Variants in SV2C observed in about 807,000 individuals in gnomAD.
The protein encoded by SV2C is synaptic vesicle glycoprotein 2C.
SV2C carries 49 observed loss-of-function variants against 79.7 expected under a neutral mutation model. The observed-to-expected ratio is 0.61, with a 90% CI of 0.49 to 0.78. The LOEUF (loss-of-function observed/expected upper bound fraction) is 0.78, where lower values mean the gene tolerates loss of function less well. Among genes scored for constraint, SV2C ranks in the 30% least tolerant of loss-of-function variants. The pLI is 0.00. For missense variants in SV2C, 833 were observed against 912.9 expected (o/e 0.91, Z 1.13); for synonymous variants, 334 against 333.2 (o/e 1.00, Z -0.03).
chr5:76,014,598 G>A, the SV2C span, among the ~76,000 whole-genome samples: 6 of 152,072 alleles, frequency 3.9e-5, no homozygotes, highest in Non-Finnish European at 5.9e-5. Flanking sequence ...GGCACACACA[G>A]GTTCTCCTAA....
chr5:76,106,025 T>A (rs1747898452), intron 1 of SV2C, among the ~76,000 whole-genome samples: 1 of 152,130 alleles, frequency 6.6e-6, no homozygotes, highest in South Asian at 2.1e-4. Flanking sequence ...CCCCTGAACT[T>A]CAGCTACATA....
chr5:76,122,296 T>A (rs1748534711), intron 1 of SV2C, among the ~76,000 whole-genome samples: 1 of 151,620 alleles, frequency 6.6e-6, no homozygotes, highest in Non-Finnish European at 1.5e-5. Context: ...TTTCTAGATA[T>A]ACAATCATGT....
chr5:76,201,115 T>A (rs1355636332), intron 3 of SV2C, among the ~76,000 whole-genome samples: 2 of 152,238 alleles, frequency 1.3e-5, no homozygotes, highest in Non-Finnish European at 1.5e-5. Context: ...AATGAATGAT[T>A]TTCCTGCCTG....
At chr5:76,174,838 C>A (rs1011208711) in intron 2 of SV2C, among the ~76,000 whole-genome samples, 12 of 152,178 alleles carry the variant, frequency 7.9e-5, no homozygotes, top group Admixed American at 2.0e-4. Context: ...TTCATCTAGC[C>A]CAACGCTGAT....
intron 1 of SV2C, among the ~76,000 whole-genome samples, chr5:76,123,901 C>A (rs1748617511): frequency 6.6e-6 from 1 of 152,142 alleles, no homozygotes; most frequent in South Asian, 2.1e-4. Context: ...TAGTTAGAGA[C>A]AATAGACTTC....
the SV2C span, among the ~76,000 whole-genome samples, chr5:75,893,289 G>C: frequency 1.3e-5 from 2 of 151,778 alleles, no homozygotes; most frequent in Admixed American, 1.3e-4. Context: ...TTTGCTTGTT[G>C]ATTTTTTTAA....
intron 12 of SV2C, chr5:76,311,523 A>G (rs1009601325): frequency 5.2e-4 from 79 of 152,230 alleles, no homozygotes; most frequent in African/African-American, 1.8e-3. Flanking sequence ...GCAGGGCAAA[A>G]TGATAGACCT....
At position 76,305,256 on chromosome 5, in the gene SV2C, C is replaced by T. The variant is rs140959693; in HGVS notation, c.2000+3711C>T. ...ATTCTAACATGAGATTTGGGTGGGGCACACATCCAATCTCTATTAGGATTA... is the reference window on the plus strand; with the variant it reads ...ATTCTAACATGAGATTTGGGTGGGGTACACATCCAATCTCTATTAGGATTA... On this transcript the variant is annotated intron_variant, in intron 12 of 12. Transcript: ENST00000502798. Among the ~76,000 whole-genome samples, 439 of 152,280 alleles carry T rather than the reference C, an allele frequency of 2.9e-3. 2 individuals are homozygous for T. The highest frequency in any genetic ancestry group is 4.6e-3 in the Non-Finnish European group (313 of 68,012).
At chr5:76,077,391 T>C in the SV2C span, among the ~76,000 whole-genome samples, 1 of 152,108 alleles carries the variant, frequency 6.6e-6, no homozygotes, top group African/African-American at 2.4e-5. Flanking sequence ...TAAATAGAGA[T>C]TTAAGAGACA....
intron 12 of SV2C, among the ~76,000 whole-genome samples, chr5:76,324,127 TCTTTA>T (rs1271500827): frequency 6.6e-6 from 1 of 152,192 alleles, no homozygotes; most frequent in Non-Finnish European, 1.5e-5. Flanking sequence ...GTTTTTTTTC[TCTTTA>T]CTTATCTGAT....
chr5:76,238,375 A>G (rs1448975201), intron 4 of SV2C, among the ~76,000 whole-genome samples: 1 of 151,670 alleles, frequency 6.6e-6, no homozygotes, highest in Non-Finnish European at 1.5e-5. Flanking sequence ...TCATGGCTGT[A>G]TCATGTTCTC....
chr5:76,202,675 A>G (rs920108165), intron 3 of SV2C, among the ~76,000 whole-genome samples: 1 of 152,254 alleles, frequency 6.6e-6, no homozygotes, highest in Non-Finnish European at 1.5e-5. Flanking sequence ...AAAATAATAT[A>G]AAACCCAAAT....
upstream of SV2C, chr5:76,079,475 T>G: frequency 3.5e-6 from 1 of 283,532 alleles, no homozygotes; most frequent in Non-Finnish European, 7.2e-6. Flanking sequence ...AGGGAGAGAA[T>G]TGGATTGTGT....
intron 4 of SV2C, among the ~76,000 whole-genome samples, chr5:76,226,057 G>A (rs949493243): frequency 1.3e-5 from 2 of 152,146 alleles, no homozygotes; most frequent in Non-Finnish European, 2.9e-5. Context: ...TCAACGAACC[G>A]CTTCCTCAAA....
downstream of SV2C, among the ~76,000 whole-genome samples, chr5:76,337,809 A>C (rs961855162): frequency 6.6e-6 from 1 of 152,126 alleles, no homozygotes; most frequent in African/African-American, 2.4e-5. Flanking sequence ...CATTTATTAG[A>C]ATTCCAGATG....
At chr5:76,030,046 A>G in the SV2C span, among the ~76,000 whole-genome samples, 1 of 152,242 alleles carries the variant, frequency 6.6e-6, no homozygotes, top group East Asian at 1.9e-4. Context: ...TGGGTACTTC[A>G]TAGCATTGAA....
the SV2C span, among the ~76,000 whole-genome samples, chr5:75,944,181 T>C: frequency 6.6e-6 from 1 of 152,024 alleles, no homozygotes; most frequent in Non-Finnish European, 1.5e-5. Context: ...CCATGCCTGC[T>C]CAAGAGAACC....
the SV2C span, among the ~76,000 whole-genome samples, chr5:76,035,616 A>AGTTT: frequency 0.82 from 123,938 of 151,626 alleles, 51,288 homozygotes; most frequent in African/African-American, 0.95. Context: ...TCTGAGAGAT[A>AGTTT]GTTTTAATTT....
chr5:76,157,208 A>G (rs999188186), intron 2 of SV2C, among the ~76,000 whole-genome samples: 1 of 152,100 alleles, frequency 6.6e-6, no homozygotes, highest in African/African-American at 2.4e-5. Flanking sequence ...GAACCCAAAG[A>G]CTAACCTGAC....
Sources: gnomAD v4.1 joint callset for allele counts (sites outside exome capture counted in the v4.1 genomes callset) on GRCh38, gnomAD v4.1.1 for gene constraint, MANE v1.5 for transcripts, NCBI Gene and HGNC (gene_info 2026-07-23, HGNC 2026-07-21) for gene names.